ZNF782: variants seen among roughly 807,000 people sequenced by gnomAD.
The protein encoded by ZNF782 is zinc finger protein 782.
Under a neutral mutation model 13.0 loss-of-function variants are expected in ZNF782, and 12 were observed. That is an observed-to-expected ratio of 0.92 (90% CI 0.59 to 1.50). ZNF782 has a LOEUF of 1.50. Ranked by LOEUF, ZNF782 falls within the 40% of genes most tolerant of loss-of-function variation. The pLI is 0.00. For synonymous variants in ZNF782, 284 were observed against 283.0 expected (o/e 1.00, Z -0.04); for missense variants, 770 against 822.9 (o/e 0.94, Z 0.79).
chr9:96,904,053 TC>T, the ZNF782 span, among the ~76,000 whole-genome samples: 25 of 150,316 alleles, frequency 1.7e-4, no homozygotes, highest in African/African-American at 5.9e-4. Flanking sequence ...GGTCAGTTTT[TC>T]TATTTTAGCT....
chr9:96,876,274 G>C (rs1266547748), upstream of ZNF782, among the ~76,000 whole-genome samples: 1 of 152,212 alleles, frequency 6.6e-6, no homozygotes, highest in Non-Finnish European at 1.5e-5. Context: ...TTTTTATAAA[G>C]ACATGCACAG....
At chr9:96,848,749 T>G (rs1851410806) in intron 3 of ZNF782, among the ~76,000 whole-genome samples, 1 of 152,222 alleles carries the variant, frequency 6.6e-6, no homozygotes, top group Non-Finnish European at 1.5e-5. Context: ...ATGACCATTC[T>G]GCCCAAAGCA....
chr9:96,873,624 TG>T, intron 1 of ZNF782, among the ~76,000 whole-genome samples: 1 of 152,320 alleles, frequency 6.6e-6, no homozygotes, highest in African/African-American at 2.4e-5. Flanking sequence ...CGCTTGAGCC[TG>T]GGAGGCAGAC....
At chr9:96,827,687 C>T (rs932672262) in intron 4 of ZNF782, among the ~76,000 whole-genome samples, 8 of 152,074 alleles carry the variant, frequency 5.3e-5, no homozygotes, top group African/African-American at 1.9e-4. Flanking sequence ...CTAAAATGGC[C>T]AATGTCTTGG....
At chr9:96,819,850 A>G (rs1850349226) in intron 5 of ZNF782, 72 bp from the exon 6 acceptor site, 1 of 1,213,428 alleles carries the variant, frequency 8.2e-7, no homozygotes, top group African/African-American at 1.6e-5. Context: ...ATATATGTAT[A>G]TATATGCCCT....
chr9:96,929,860 T>C, the ZNF782 span, among the ~76,000 whole-genome samples: 1 of 151,676 alleles, frequency 6.6e-6, no homozygotes, highest in East Asian at 1.9e-4. Context: ...TACTACCTCA[T>C]GAACGGGCGA....
intron 3 of ZNF782, 108 bp from the exon 4 acceptor site, chr9:96,845,124 C>G: frequency 2.9e-6 from 4 of 1,369,264 alleles, no homozygotes; most frequent in Non-Finnish European, 4.0e-6. Context: ...AAACAAAATG[C>G]TATAAGGGAT....
upstream of ZNF782, among the ~76,000 whole-genome samples, chr9:96,877,738 G>T (rs1162155959): frequency 3.3e-5 from 5 of 152,212 alleles, no homozygotes; most frequent in African/African-American, 1.2e-4. Context: ...GGTCGTTCCC[G>T]GTGGATGTGC....
the ZNF782 span, among the ~76,000 whole-genome samples, chr9:96,882,022 C>T: frequency 6.7e-6 from 1 of 148,840 alleles, no homozygotes; most frequent in Admixed American, 6.7e-5. Flanking sequence ...TGTGTGTATA[C>T]TCATTGTAAT....
rs189449607 is a variant in ZNF782, at chr9:96,843,335, T to C, written c.142+1555A>G. 3.3e-5 allele frequency among the ~76,000 whole-genome samples: 5 copies of C among 152,250 alleles called. No homozygotes were observed. The East Asian group carries it at 9.6e-4, about 29-fold the overall frequency. On this transcript the variant is annotated intron_variant, in intron 4 of 5. Coordinates refer to ENST00000481138, the MANE Select transcript of ZNF782 (RefSeq NM_001001662.3). ...AAACAATGATATTCATACAGTGAAA[T>C]ACTACGTAGCTATAAAAGGAATGAA...
intron 1 of ZNF782, among the ~76,000 whole-genome samples, chr9:96,864,026 A>G (rs1007419875): frequency 6.6e-6 from 1 of 151,712 alleles, no homozygotes; most frequent in Non-Finnish European, 1.5e-5. Context: ...ATTAAAAACC[A>G]TTATTGGTAA....
chr9:96,896,195 A>AGATACTTTTTTTCCTG, the ZNF782 span, among the ~76,000 whole-genome samples: 1 of 152,164 alleles, frequency 6.6e-6, no homozygotes, highest in African/African-American at 2.4e-5. Flanking sequence ...CTGATCTGGC[A>AGATACTTTTTTTCCTG]GATACTTTTT....
upstream of ZNF782, among the ~76,000 whole-genome samples, chr9:96,879,447 G>A (rs1187225713): frequency 6.6e-6 from 1 of 152,178 alleles, no homozygotes; most frequent in Admixed American, 6.5e-5. Context: ...AGCTTGCGGT[G>A]AGCCCAGATC....
chr9:96,901,376 A>G, the ZNF782 span, among the ~76,000 whole-genome samples: 1 of 148,914 alleles, frequency 6.7e-6, no homozygotes, highest in Admixed American at 6.7e-5. Flanking sequence ...GATTCAAGCA[A>G]TTCTCCTGCC....
At chr9:96,931,900 G>C in the ZNF782 span, 1 of 1,612,238 alleles carries the variant, frequency 6.2e-7, no homozygotes, top group Non-Finnish European at 8.5e-7. Flanking sequence ...CCCCTCTAGT[G>C]GCAGGACAGG....
chr9:96,911,509 T>TG, the ZNF782 span, among the ~76,000 whole-genome samples: 3 of 147,486 alleles, frequency 2.0e-5, no homozygotes, highest in Non-Finnish European at 4.5e-5. Context: ...GTTTTTTTTT[T>TG]GTTTTTGTTT....
intron 4 of ZNF782, among the ~76,000 whole-genome samples, chr9:96,842,489 T>C (rs7859307): frequency 0.17 from 26,012 of 151,944 alleles, 5,397 homozygotes; most frequent in African/African-American, 0.48. Flanking sequence ...GGTAATGGTG[T>C]TGCATGGAGC....
At chr9:96,875,575 G>A (rs767831061) in exon 1 of ZNF782, 1 of 456,672 alleles carries the variant, frequency 2.2e-6, no homozygotes, top group Admixed American at 2.3e-5. Context: ...GTTTATAAAC[G>A]GGCTCTCCTC....
chr9:96,873,736 C>T (rs1851856657), intron 1 of ZNF782, among the ~76,000 whole-genome samples: 1 of 152,176 alleles, frequency 6.6e-6, no homozygotes, highest in South Asian at 2.1e-4. Context: ...AGAATAAGGA[C>T]CACTAACATT....
Sources: gnomAD v4.1 joint callset for allele counts (sites outside exome capture counted in the v4.1 genomes callset) on GRCh38, gnomAD v4.1.1 for gene constraint, MANE v1.5 for transcripts, NCBI Gene and HGNC (gene_info 2026-07-23, HGNC 2026-07-21) for gene names.